CPLX2: variants seen among roughly 807,000 people sequenced by gnomAD.
The protein encoded by CPLX2 is complexin-2.
Under a neutral mutation model 16.3 loss-of-function variants are expected in CPLX2, and 5 were observed. The observed-to-expected ratio is 0.31, with a 90% CI of 0.16 to 0.64. The LOEUF is 0.64. Ranked by LOEUF, CPLX2 falls within the 30% of genes least tolerant of loss-of-function variation. The probability of loss-of-function intolerance (pLI) is 0.79; values close to 1 mark genes in which losing one functional copy is unlikely to be tolerated. For missense variants in CPLX2, 144 were observed against 181.4 expected, an observed-to-expected ratio of 0.79 and a Z score of 1.18; for synonymous variants, 89 against 73.2, an observed-to-expected ratio of 1.22 and a Z score of -1.10.
chr5:175,873,776 A>G (rs897129059), intron 1 of CPLX2, among the ~76,000 whole-genome samples: 3 of 152,214 alleles, frequency 2.0e-5, no homozygotes, highest in African/African-American at 7.2e-5. Flanking sequence ...ACCTCATTCA[A>G]TGCTCACTAC....
intron 2 of CPLX2, among the ~76,000 whole-genome samples, chr5:175,820,150 TG>T (rs1758478876): frequency 1.3e-5 from 2 of 152,174 alleles, no homozygotes; most frequent in African/African-American, 4.8e-5. Context: ...CCACCCACCG[TG>T]TGGCCCTGGA....
intron 2 of CPLX2, among the ~76,000 whole-genome samples, chr5:175,836,176 C>T (rs1015002654): frequency 2.6e-5 from 4 of 152,080 alleles, no homozygotes; most frequent in East Asian, 1.9e-4. Context: ...CGGTGAAACC[C>T]CGTCTCTACT....
At chr5:175,829,351 T>A (rs1374720985) in intron 2 of CPLX2, among the ~76,000 whole-genome samples, 1 of 152,002 alleles carries the variant, frequency 6.6e-6, no homozygotes, top group Non-Finnish European at 1.5e-5. Flanking sequence ...TCAGCCATGC[T>A]CCCTCCCTGG....
intron 2 of CPLX2, among the ~76,000 whole-genome samples, chr5:175,846,275 C>T (rs974081971): frequency 1.3e-5 from 2 of 152,156 alleles, no homozygotes; most frequent in African/African-American, 2.4e-5. Flanking sequence ...GTTCCCAGGG[C>T]TCAAGGGCAC....
intron 1 of CPLX2, 176 bp downstream of exon 1, chr5:175,871,881 T>A (rs1561790681): frequency 6.6e-6 from 1 of 152,206 alleles, no homozygotes; most frequent in Non-Finnish European, 1.5e-5. Flanking sequence ...AAGGGGACAC[T>A]CCCGGGTGCG....
chr5:175,828,429 A>T (rs1038005166), intron 2 of CPLX2, among the ~76,000 whole-genome samples: 4 of 152,182 alleles, frequency 2.6e-5, no homozygotes, highest in African/African-American at 9.7e-5. Flanking sequence ...AGTGATTGGG[A>T]ATAGATTTTT....
At chr5:175,862,497 T>A (rs1759390818) in intron 2 of CPLX2, among the ~76,000 whole-genome samples, 1 of 151,930 alleles carries the variant, frequency 6.6e-6, no homozygotes, top group Non-Finnish European at 1.5e-5. Context: ...TTCAGAAACA[T>A]GGTTGAGGTT....
chr5:175,840,042 T>C (rs1444315319), intron 2 of CPLX2, among the ~76,000 whole-genome samples: 1 of 152,236 alleles, frequency 6.6e-6, no homozygotes, highest in Non-Finnish European at 1.5e-5. Flanking sequence ...TAGTGACAGG[T>C]CGTTCTTACC....
chr5:175,819,096 T>C (rs1186104062), intron 2 of CPLX2, among the ~76,000 whole-genome samples: 1 of 152,230 alleles, frequency 6.6e-6, no homozygotes, highest in Admixed American at 6.5e-5. Context: ...TCATTCTCAT[T>C]GCTGGAGTAA....
chr5:175,833,280 G>A (rs73326397), intron 2 of CPLX2, among the ~76,000 whole-genome samples: 158 of 152,260 alleles, frequency 1.0e-3, no homozygotes, highest in African/African-American at 3.7e-3. Flanking sequence ...AATCTACCTT[G>A]TGATTAGGAA....
intron 2 of CPLX2, among the ~76,000 whole-genome samples, chr5:175,831,619 T>C (rs1036842847): frequency 7.2e-5 from 11 of 152,314 alleles, no homozygotes; most frequent in Admixed American, 3.3e-4. Context: ...GGGCAGAGCA[T>C]GTACAAAGCC....
At chr5:175,865,966 C>A (rs966176811) in intron 2 of CPLX2, among the ~76,000 whole-genome samples, 1 of 152,200 alleles carries the variant, frequency 6.6e-6, no homozygotes, top group Non-Finnish European at 1.5e-5. Flanking sequence ...AAATGTGATT[C>A]TAAAATGGTC....
chr5:175,825,701 C>T (rs1758599482), intron 2 of CPLX2, among the ~76,000 whole-genome samples: 1 of 152,146 alleles, frequency 6.6e-6, no homozygotes, highest in Non-Finnish European at 1.5e-5. Flanking sequence ...CCACCATCTG[C>T]TTCCACATCT....
chr5:175,813,872 C>T (rs149067780), intron 2 of CPLX2, among the ~76,000 whole-genome samples: 40 of 152,320 alleles, frequency 2.6e-4, no homozygotes, highest in African/African-American at 7.5e-4. Context: ...AGACTTCAGC[C>T]GGCAACAGTA....
rs148575999 is a variant in CPLX2, at chr5:175,821,732, C to T, written c.-89+12664C>T. Among the ~76,000 whole-genome samples, 551 of 152,344 alleles carry T rather than the reference C, an allele frequency of 3.6e-3. 3 individuals carry two copies. Among genetic ancestry groups the T allele is most frequent in the African/African-American group, 0.013 (533 of 41,582 alleles). On this transcript the variant is annotated intron_variant, in intron 2 of 4. Transcript: ENST00000359546. ...CCTAAATTTACTTCTTATTGGGACA[C>T]TCATTTCCTTCAAATAAATATATGT...
chr5:175,852,665 A>G (rs1759180516), intron 2 of CPLX2, among the ~76,000 whole-genome samples: 1 of 152,220 alleles, frequency 6.6e-6, no homozygotes, highest in Non-Finnish European at 1.5e-5. Context: ...GCTACAAGTA[A>G]CGCAGGTTCA....
At chr5:175,834,895 A>C (rs1164868708) in intron 2 of CPLX2, among the ~76,000 whole-genome samples, 3 of 152,132 alleles carry the variant, frequency 2.0e-5, no homozygotes, top group African/African-American at 7.2e-5. Context: ...AACAAACAAA[A>C]AACAAACAAA....
chr5:175,874,161 G>A (rs1290831860), intron 1 of CPLX2, among the ~76,000 whole-genome samples: 1 of 152,154 alleles, frequency 6.6e-6, no homozygotes, highest in Non-Finnish European at 1.5e-5. Flanking sequence ...TAATTGGATG[G>A]CCACGTGGAG....
At chr5:175,798,477 C>T (rs763510842) in intron 1 of CPLX2, among the ~76,000 whole-genome samples, 4 of 152,166 alleles carry the variant, frequency 2.6e-5, no homozygotes, top group African/African-American at 7.2e-5. Context: ...GGCAACTGGG[C>T]TGTGGGATCT....
Sources: gnomAD v4.1 joint callset for allele counts (sites outside exome capture counted in the v4.1 genomes callset) on GRCh38, gnomAD v4.1.1 for gene constraint, MANE v1.5 for transcripts, NCBI Gene and HGNC (gene_info 2026-07-23, HGNC 2026-07-21) for gene names.